GRXCR1: variants seen among roughly 807,000 people sequenced by gnomAD.
The protein encoded by GRXCR1 is glutaredoxin domain-containing cysteine-rich protein 1.
In GRXCR1, 27 loss-of-function variants were observed where a neutral mutation model predicts 27.3. The observed-to-expected ratio is 0.99, with a 90% CI of 0.73 to 1.37. GRXCR1 has a LOEUF of 1.37. Ranked by LOEUF, GRXCR1 falls within the 40% of genes most tolerant of loss-of-function variation. GRXCR1 has a pLI of 0.00. For missense variants in GRXCR1, 379 were observed against 354.4 expected (o/e 1.07, Z -0.56); for synonymous variants, 122 against 131.1 (o/e 0.93, Z 0.47).
intron 2 of GRXCR1, among the ~76,000 whole-genome samples, chr4:43,001,723 A>G (rs1318622749): frequency 6.6e-6 from 1 of 152,202 alleles, no homozygotes; most frequent in African/African-American, 2.4e-5. Flanking sequence ...ACAGAGACAA[A>G]GTATAGAGAA....
At chr4:42,912,376 T>C (rs1218405441) in intron 1 of GRXCR1, among the ~76,000 whole-genome samples, 1 of 152,160 alleles carries the variant, frequency 6.6e-6, no homozygotes, top group Non-Finnish European at 1.5e-5. Context: ...ATTTTTTATA[T>C]TGACACATTG....
chr4:43,026,017 A>G (rs989232118), intron 3 of GRXCR1, among the ~76,000 whole-genome samples: 15 of 150,620 alleles, frequency 1.0e-4, no homozygotes, highest in African/African-American at 3.7e-4. Context: ...TTTTACTAAT[A>G]GTTACTAATA....
At chr4:43,020,503 C>A in intron 3 of GRXCR1, 84 bp downstream of exon 3, 1 of 864,224 alleles carries the variant, frequency 1.2e-6, no homozygotes, top group Non-Finnish European at 2.0e-6. Context: ...TAATTGAATT[C>A]TCTCTCCCCA....
rs1007400787 is a variant in GRXCR1, at chr4:42,941,209, G to A, written c.385-21683G>A. On this transcript the variant is annotated intron_variant, in intron 1 of 3. Transcript: ENST00000399770. ...AGCTGTAAGTGAGGTCCCTAGATAAGAGCCTGGCATACAGTATGCCCTAAG... is the reference window on the plus strand; with the variant it reads ...AGCTGTAAGTGAGGTCCCTAGATAAAAGCCTGGCATACAGTATGCCCTAAG... 2.6e-5 allele frequency among the ~76,000 whole-genome samples: 4 copies of A among 151,982 alleles called. No individual in the cohort carries two copies. In the South Asian group the frequency reaches 6.2e-4, roughly 24 times the overall value.
chr4:43,002,877 C>G (rs1476543857), intron 2 of GRXCR1, among the ~76,000 whole-genome samples: 1 of 152,178 alleles, frequency 6.6e-6, no homozygotes, highest in Non-Finnish European at 1.5e-5. Flanking sequence ...TGTCTTCACC[C>G]AAATCTCATG....
intron 1 of GRXCR1, among the ~76,000 whole-genome samples, chr4:42,932,395 G>A (rs1475769724): frequency 3.3e-5 from 5 of 150,684 alleles, no homozygotes; most frequent in African/African-American, 7.3e-5. Flanking sequence ...GCTTCATGAC[G>A]CACATTTTGT....
chr4:42,966,395 AG>A (rs1365394854), intron 2 of GRXCR1, among the ~76,000 whole-genome samples: 3 of 152,124 alleles, frequency 2.0e-5, no homozygotes, highest in Non-Finnish European at 4.4e-5. Context: ...TGATAAAAAT[AG>A]ATTTCTTAAC....
At chr4:42,928,776 C>G (rs1460336488) in intron 1 of GRXCR1, among the ~76,000 whole-genome samples, 1 of 151,890 alleles carries the variant, frequency 6.6e-6, no homozygotes, top group Non-Finnish European at 1.5e-5. Flanking sequence ...TGGCTCAATG[C>G]TATAGGGGTG....
chr4:42,926,082 A>T (rs1257631287), intron 1 of GRXCR1, among the ~76,000 whole-genome samples: 4 of 152,024 alleles, frequency 2.6e-5, no homozygotes, highest in Non-Finnish European at 5.9e-5. Flanking sequence ...TACTCGACTA[A>T]TATGTTTCCT....
intron 1 of GRXCR1, among the ~76,000 whole-genome samples, chr4:42,909,031 T>C (rs1199392101): frequency 1.3e-5 from 2 of 152,190 alleles, no homozygotes; most frequent in Non-Finnish European, 2.9e-5. Flanking sequence ...ATAGGGTTTA[T>C]TGAGGACTTA....
At chr4:42,943,321 A>G (rs1007624758) in intron 1 of GRXCR1, among the ~76,000 whole-genome samples, 4 of 152,236 alleles carry the variant, frequency 2.6e-5, no homozygotes, top group Non-Finnish European at 5.9e-5. Context: ...ACTGAAAGTG[A>G]AGCCTTGAAG....
intron 2 of GRXCR1, among the ~76,000 whole-genome samples, chr4:42,968,244 A>G (rs1748296271): frequency 6.6e-6 from 1 of 152,094 alleles, no homozygotes. Context: ...GTAGCCATAG[A>G]GCTCATCATC....
intron 1 of GRXCR1, among the ~76,000 whole-genome samples, chr4:42,945,383 C>T (rs867132999): frequency 9.9e-5 from 15 of 152,072 alleles, no homozygotes; most frequent in South Asian, 2.1e-4. Flanking sequence ...GGATATGGCA[C>T]GAAAGGAGAT....
At chr4:42,975,664 C>A (rs1748503134) in intron 2 of GRXCR1, among the ~76,000 whole-genome samples, 2 of 152,112 alleles carry the variant, frequency 1.3e-5, no homozygotes, top group Non-Finnish European at 2.9e-5. Flanking sequence ...TCATCTTGTT[C>A]TTTCAGTAAT....
intron 2 of GRXCR1, among the ~76,000 whole-genome samples, chr4:43,006,333 C>T (rs1338296846): frequency 7.9e-5 from 12 of 152,150 alleles, no homozygotes; most frequent in Non-Finnish European, 1.6e-4. Context: ...CTCTGACTGC[C>T]GGTGAGCTGG....
chr4:42,932,618 A>ATATATATATATG (rs1560654355), intron 1 of GRXCR1, among the ~76,000 whole-genome samples: 3 of 34,460 alleles, frequency 8.7e-5, no homozygotes, highest in African/African-American at 3.0e-4. Flanking sequence ...ATATATATAT[A>ATATATATATATG]TAGAGAGAGA....
intron 1 of GRXCR1, 80 bp from the exon 2 acceptor site, chr4:42,962,812 G>C: frequency 6.5e-7 from 1 of 1,535,014 alleles, no homozygotes; most frequent in East Asian, 2.2e-5. Context: ...TGGCTTTAAC[G>C]CAATTTTTAA....
Position 42,962,813 on chromosome 4 carries a change from C to G in GRXCR1, c.385-79C>G, listed in dbSNP as rs547224307. The G allele has an allele frequency of 9.5e-5, 147 of 1,545,744 alleles. 2 individuals carry two copies. In the South Asian group the frequency reaches 1.6e-3, roughly 17 times the overall value. On this transcript the variant is annotated intron_variant, in intron 1 of 3. Coordinates refer to ENST00000399770, the MANE Select transcript of GRXCR1 (RefSeq NM_001080476.3). ...TCAATTTTATTGCATGGCTTTAACG[C>G]AATTTTTAATTGTCTTAAAATCATA...
At position 43,011,824 on chromosome 4, in the gene GRXCR1, T is replaced by A. The variant is rs548635111; in HGVS notation, c.628-8530T>A. Reference sequence around the variant, plus strand: ...GGTCTTTCTTGATGACAGCTGGGGATGATGTCTTTGATTCCTTGGTCATTT... The same window carrying A: ...GGTCTTTCTTGATGACAGCTGGGGAAGATGTCTTTGATTCCTTGGTCATTT... On this transcript the variant is annotated intron_variant, in intron 2 of 3. Transcript: ENST00000399770. Among the ~76,000 whole-genome samples the A allele has an allele frequency of 2.1e-4, 32 of 152,276 alleles. 4 individuals are homozygous for A. Among genetic ancestry groups the A allele is most frequent in the South Asian group, 1.9e-3 (9 of 4,826 alleles).
Sources: allele counts gnomAD v4.1 joint callset (sites outside exome capture counted in the v4.1 genomes callset), GRCh38; gene constraint gnomAD v4.1.1; transcripts MANE v1.5; gene names NCBI Gene and HGNC (gene_info 2026-07-23, HGNC 2026-07-21).